The following BRWD1 variants were observed in gnomAD, a reference collection of about 807,000 sequenced individuals.
BRWD1 encodes bromodomain and WD repeat-containing protein 1.
In BRWD1, 82 loss-of-function variants were observed where a neutral mutation model predicts 251.2. The ratio of observed to expected loss-of-function variants is 0.33; its 90% CI spans 0.27 to 0.39. The LOEUF is 0.39. BRWD1 is among the 10% of genes least tolerant of loss of function. The pLI is 1.00. For missense variants in BRWD1, 2,233 were observed against 2,711.6 expected (o/e 0.82, Z 3.92); for synonymous variants, 918 against 902.8 (o/e 1.02, Z -0.30).
At position 39,199,179 on chromosome 21, in the gene BRWD1, G is replaced by C; in HGVS notation, c.5237C>G (p.Ser1746Ter). Residue 1746 changes from serine (S) to a stop codon, truncating the protein, a stop_gained, in exon 40 of 41, where the codon TCA becomes TGA. Transcript: ENST00000342449. LOFTEE classifies it high-confidence loss of function. Reference sequence around the variant, plus strand: ...CTCTATTTTAAGAAATTTTGTCTTTGAAGGTGCTGGAGTATGGGACTTGTA... The same window carrying C: ...CTCTATTTTAAGAAATTTTGTCTTTCAAGGTGCTGGAGTATGGGACTTGTA... The part of the protein sequence containing the change: ...NGYKSHTPAP[S>*]KTKFLKIESS... 6.2e-7 allele frequency: 1 copy of C among 1,614,106 alleles called. No individual in the cohort carries two copies. The highest frequency in any genetic ancestry group is 2.2e-5 in the East Asian group (1 of 44,880).
chr21:39,194,909 G>T lies in BRWD1; in HGVS notation c.*1350C>A. 6.6e-7 allele frequency: 1 copy of T among 1,516,908 alleles called. No individual in the cohort carries two copies. The highest frequency in any genetic ancestry group is 8.8e-7 in the Non-Finnish European group (1 of 1,136,828). 94.0% of individuals were successfully genotyped at this position (1,516,908 alleles called of 1,614,324 possible). ...TAGGGCTAATAAATAACTTACAGGT[G>T]GGGTACTGTAACATATCCCTTACCC... On this transcript the variant is annotated 3_prime_UTR_variant, in exon 41 of 41. Transcript: ENST00000342449.
chr21:39,303,602 G>A (rs916716769), intron 4 of BRWD1, among the ~76,000 whole-genome samples: 5 of 151,584 alleles, frequency 3.3e-5, no homozygotes, highest in African/African-American at 7.3e-5. Context: ...GGAGACTGAC[G>A]GCAGATCATT....
At chr21:39,247,970 C>A in intron 20 of BRWD1, 138 bp from the exon 21 acceptor site, 1 of 1,046,788 alleles carries the variant, frequency 9.6e-7, no homozygotes, top group Non-Finnish European at 1.3e-6. Flanking sequence ...AGCATTTTTG[C>A]CATACAGTTT....
intron 4 of BRWD1, among the ~76,000 whole-genome samples, chr21:39,299,983 TA>T (rs2146767835): frequency 6.6e-6 from 1 of 151,282 alleles, no homozygotes; most frequent in African/African-American, 2.4e-5. Flanking sequence ...AAACTCCATC[TA>T]AAAAAAATAA....
At position 39,265,005 on chromosome 21, in the gene BRWD1, T is replaced by C; in HGVS notation, c.1545A>G (p.Gly515=). ...ACTTACAGTCAAACACAGCTCCATG[T>C]CCTTGTCCTTCAATCTAGGAAACAC... is the stretch of plus-strand genomic sequence containing the variant. The part of the protein sequence containing the change: ...KHYFNMIEGQ[G]HGAVFDCKFS... The change falls in exon 16 of 41, where the codon GGA becomes GGG. Residue 515 remains glycine (G), a synonymous_variant. Coordinates refer to ENST00000342449, the MANE Select transcript of BRWD1 (RefSeq NM_033656.4). 1.2e-6 allele frequency: 2 copies of C among 1,612,866 alleles called. No homozygotes were observed. The highest frequency in any genetic ancestry group is 1.7e-6 in the Non-Finnish European group (2 of 1,179,700).
intron 4 of BRWD1, among the ~76,000 whole-genome samples, chr21:39,306,760 T>C (rs1373622512): frequency 6.6e-6 from 1 of 152,354 alleles, no homozygotes; most frequent in African/African-American, 2.4e-5. Flanking sequence ...CAAGTAGTCA[T>C]TTTTCTTAAA....
At chr21:39,286,162 T>C (rs2035632299) in intron 8 of BRWD1, among the ~76,000 whole-genome samples, 2 of 151,848 alleles carry the variant, frequency 1.3e-5, no homozygotes, top group South Asian at 2.1e-4. Context: ...CTACAGGCGC[T>C]GGCCACCATG....
chr21:39,304,024 C>T lies in BRWD1; in HGVS notation c.199-5442G>A, dbSNP rs141293294. ...GGCGTGGTGGCGGGCGCCTGTAATC[C>T]CAGCTACTCAGGAGGCTTAGGCAGG... On this transcript the variant is annotated intron_variant, in intron 4 of 40. Transcript: ENST00000342449. 8.0e-5 allele frequency among the ~76,000 whole-genome samples: 12 copies of T among 150,836 alleles called. 1 individual carries two copies. The highest frequency in any genetic ancestry group is 2.9e-4 in the African/African-American group (12 of 41,058).
intron 17 of BRWD1, among the ~76,000 whole-genome samples, chr21:39,261,543 C>A (rs559207785): frequency 6.6e-6 from 1 of 152,264 alleles, no homozygotes; most frequent in South Asian, 2.1e-4. Flanking sequence ...CATGATCCAT[C>A]AGTACAAATG....
Position 39,215,354 on chromosome 21 carries a change from G to A in BRWD1, c.3668C>T (p.Ser1223Phe). 6.2e-7 allele frequency: 1 copy of A among 1,613,046 alleles called. No individual in the cohort carries two copies. Among genetic ancestry groups the A allele is most frequent in the Non-Finnish European group, 8.5e-7 (1 of 1,179,436 alleles). ...RLVNRFYRRL[S>F]ALVWEVRYIE... is the part of the protein sequence containing the mutation. ...ATATCTGACTTCCCAAACTAACGCA[G>A]ACAGCCTCCTTCAAAATAAAGTAGA... is the stretch of plus-strand genomic sequence containing the variant. Residue 1223 changes from serine (S) to phenylalanine (F), a missense_variant, in exon 32 of 41, where the codon TCT becomes TTT. Ser to Phe is a radical substitution (Grantham distance 155). This residue lies in a region of BRWD1 where 167 missense variants were observed against 183.2 expected (regional missense o/e 0.91). Transcript: ENST00000342449.
intron 19 of BRWD1, among the ~76,000 whole-genome samples, chr21:39,251,547 G>T (rs560256996): frequency 2.6e-5 from 4 of 152,148 alleles, no homozygotes; most frequent in Non-Finnish European, 5.9e-5. Context: ...ATGTTCCAAG[G>T]TATAACTAGA....
chr21:39,272,476 G>C (rs2035148643), intron 13 of BRWD1, among the ~76,000 whole-genome samples: 1 of 151,264 alleles, frequency 6.6e-6, no homozygotes, highest in Non-Finnish European at 1.5e-5. Context: ...GCAGTGAGCA[G>C]AGATCGCACC....
chr21:39,272,586 G>A (rs1035164531), intron 13 of BRWD1, among the ~76,000 whole-genome samples: 5 of 150,416 alleles, frequency 3.3e-5, no homozygotes, highest in African/African-American at 1.2e-4. Flanking sequence ...TAAACTAAAA[G>A]GCTTTTGAAG....
intron 14 of BRWD1, 33 bp from the exon 15 acceptor site, chr21:39,270,066 G>A (rs752597404): frequency 6.7e-7 from 1 of 1,494,656 alleles, no homozygotes; most frequent in Non-Finnish European, 8.9e-7. Flanking sequence ...ATTAAGGAGG[G>A]TTTACAAGTT....
intron 19 of BRWD1, among the ~76,000 whole-genome samples, chr21:39,251,517 T>C (rs1169238769): frequency 6.6e-6 from 1 of 152,230 alleles, no homozygotes; most frequent in African/African-American, 2.4e-5. Flanking sequence ...AGGAAAAAGA[T>C]TTATACTGAA....
chr21:39,205,677 C>T (rs1471922766), intron 37 of BRWD1, among the ~76,000 whole-genome samples: 1 of 152,154 alleles, frequency 6.6e-6, no homozygotes, highest in Non-Finnish European at 1.5e-5. Context: ...GAGGCTGAGG[C>T]AGGAGAACTG....
At chr21:39,229,920 T>G (rs1601332841) in intron 25 of BRWD1, among the ~76,000 whole-genome samples, 1 of 152,254 alleles carries the variant, frequency 6.6e-6, no homozygotes, top group South Asian at 2.1e-4. Flanking sequence ...TTTTATTATT[T>G]GTAGAGACAG....
At chr21:39,271,053 G>A (rs913298910) in intron 13 of BRWD1, among the ~76,000 whole-genome samples, 1 of 152,124 alleles carries the variant, frequency 6.6e-6, no homozygotes, top group African/African-American at 2.4e-5. Flanking sequence ...CCAGCATCTT[G>A]GGAGACCGAG....
chr21:39,315,935 C>T (rs1443641370), upstream of BRWD1: 2 of 152,114 alleles, frequency 1.3e-5, no homozygotes, highest in African/African-American at 4.8e-5. Flanking sequence ...AAAGGGATTT[C>T]GCACATACAA....
Sources: allele counts gnomAD v4.1 joint callset (sites outside exome capture counted in the v4.1 genomes callset), GRCh38; gene constraint gnomAD v4.1.1; regional missense constraint gnomAD v4.1.1; transcripts MANE v1.5; gene names NCBI Gene and HGNC (gene_info 2026-07-23, HGNC 2026-07-21).